The following SHISA6 variants were observed in gnomAD, a reference collection of about 807,000 sequenced individuals.
SHISA6 encodes the protein protein shisa-6.
In SHISA6, 22 loss-of-function variants were observed where a neutral mutation model predicts 47.9. The ratio of observed to expected loss-of-function variants is 0.46; its 90% CI spans 0.33 to 0.66. SHISA6 has a LOEUF of 0.66. Ranked by LOEUF, SHISA6 falls within the 30% of genes least tolerant of loss-of-function variation. The probability of loss-of-function intolerance (pLI) is 0.02; values close to 1 mark genes in which losing one functional copy is unlikely to be tolerated. For missense variants in SHISA6, 680 were observed against 764.6 expected, an observed-to-expected ratio of 0.89 and a Z score of 1.30; for synonymous variants, 388 against 337.8, an observed-to-expected ratio of 1.15 and a Z score of -1.63.
At chr17:11,514,708 T>C (rs1000678612) in intron 3 of SHISA6, among the ~76,000 whole-genome samples, 21 of 152,234 alleles carry the variant, frequency 1.4e-4, no homozygotes, top group African/African-American at 4.1e-4. Flanking sequence ...AGAGGAACTC[T>C]TGGCCCTTGT....
intron 3 of SHISA6, among the ~76,000 whole-genome samples, chr17:11,385,394 G>A (rs1043412624): frequency 5.9e-5 from 9 of 152,002 alleles, no homozygotes. Flanking sequence ...GACCCCACAG[G>A]GCCCTGTGGG....
chr17:11,395,245 G>T, intron 3 of SHISA6, among the ~76,000 whole-genome samples: 1 of 151,572 alleles, frequency 6.6e-6, no homozygotes, highest in East Asian at 1.9e-4. Flanking sequence ...TTATTCAAAC[G>T]TACCACTAGT....
rs146008020 is a variant in SHISA6 at position 11,265,908 on chromosome 17, C to T, written c.799+2382C>T. On this transcript the variant is annotated intron_variant, in intron 2 of 5. Transcript: ENST00000441885. ...AGCTGAGAAGGAAAGCTTCCAGTTA[C>T]ATGATTCACTTCTATGTTTCAAGAA... Among the ~76,000 whole-genome samples, 372 of 152,326 alleles carry T rather than the reference C, an allele frequency of 2.4e-3. 2 individuals carry two copies. Among genetic ancestry groups the T allele is most frequent in the African/African-American group, 8.3e-3 (347 of 41,572 alleles).
At chr17:11,397,531 A>G (rs985154451) in intron 3 of SHISA6, among the ~76,000 whole-genome samples, 1 of 152,080 alleles carries the variant, frequency 6.6e-6, no homozygotes, top group African/African-American at 2.4e-5. Flanking sequence ...TTGTGGATGC[A>G]TAATTCCCTG....
chr17:11,422,763 CAAA>C (rs36035486), intron 3 of SHISA6, among the ~76,000 whole-genome samples: 37 of 125,382 alleles, frequency 3.0e-4, no homozygotes, highest in Admixed American at 3.2e-4. Flanking sequence ...GACTCTGTCT[CAAA>C]AAAAAAAAAA....
At chr17:11,486,593 G>A (rs778843019) in intron 3 of SHISA6, among the ~76,000 whole-genome samples, 4 of 152,188 alleles carry the variant, frequency 2.6e-5, no homozygotes, top group South Asian at 2.1e-4. Context: ...TCAGCCCTGC[G>A]TTGGGCTGTG....
chr17:11,242,094 C>T, intron 1 of SHISA6, 34 bp downstream of exon 1: 2 of 1,547,596 alleles, frequency 1.3e-6, no homozygotes, highest in South Asian at 2.4e-5. Flanking sequence ...CCCCGGTCTC[C>T]CCGCGGCCTC....
chr17:11,292,173 A>G (rs1909576396), intron 2 of SHISA6, among the ~76,000 whole-genome samples: 1 of 152,094 alleles, frequency 6.6e-6, no homozygotes, highest in South Asian at 2.1e-4. Context: ...CAAAGATCTC[A>G]TTTTAACTTA....
chr17:11,540,880 G>T (rs1294436294), intron 3 of SHISA6, among the ~76,000 whole-genome samples: 1 of 152,200 alleles, frequency 6.6e-6, no homozygotes, highest in African/African-American at 2.4e-5. Context: ...CAAGCAATGA[G>T]ATGCACAGCC....
At chr17:11,259,911 T>C (rs922167217) in intron 1 of SHISA6, among the ~76,000 whole-genome samples, 1 of 152,210 alleles carries the variant, frequency 6.6e-6, no homozygotes, top group Non-Finnish European at 1.5e-5. Context: ...TAAATCCCTG[T>C]TCCAATATGT....
intron 3 of SHISA6, among the ~76,000 whole-genome samples, chr17:11,481,322 C>T (rs1200872207): frequency 6.9e-6 from 1 of 143,948 alleles, no homozygotes; most frequent in Admixed American, 7.4e-5. Flanking sequence ...GAGACACCCT[C>T]TCAAAAAATA....
intron 3 of SHISA6, among the ~76,000 whole-genome samples, chr17:11,382,488 C>CT (rs1479018415): frequency 1.3e-5 from 2 of 152,180 alleles, no homozygotes; most frequent in Non-Finnish European, 2.9e-5. Flanking sequence ...AAGTTCAACT[C>CT]TAAGTGCTAG....
chr17:11,334,929 C>T (rs1028999918), intron 2 of SHISA6, among the ~76,000 whole-genome samples: 2 of 152,212 alleles, frequency 1.3e-5, no homozygotes, highest in Admixed American at 1.3e-4. Flanking sequence ...TTGCCAGGCA[C>T]TTCTGGCTTG....
At chr17:11,375,792 G>A (rs1036440370) in intron 2 of SHISA6, among the ~76,000 whole-genome samples, 2 of 152,174 alleles carry the variant, frequency 1.3e-5, no homozygotes, top group African/African-American at 2.4e-5. Context: ...CCTGAGCAGC[G>A]ACTGAGCTAA....
In SHISA6 at chr17:11,315,666, G is replaced by A. The variant is rs545041582; in HGVS notation, c.799+52140G>A. Among the ~76,000 whole-genome samples the A allele has an allele frequency of 2.6e-5, 4 of 152,112 alleles. No homozygotes were observed. The East Asian group carries it at 7.7e-4, about 29-fold the overall frequency. ...TGATCATACGATATTTCTTTTTTAT[G>A]TCATGAATTATATAACATATTTTGA... On this transcript the variant is annotated intron_variant, in intron 2 of 5. Transcript: ENST00000441885.
intron 3 of SHISA6, among the ~76,000 whole-genome samples, chr17:11,445,308 G>A (rs1915199320): frequency 6.6e-6 from 1 of 152,110 alleles, no homozygotes; most frequent in Admixed American, 6.5e-5. Context: ...TTGAGGTTTA[G>A]AATGGTGACA....
At chr17:11,342,000 C>T (rs1911546764) in intron 2 of SHISA6, among the ~76,000 whole-genome samples, 1 of 152,172 alleles carries the variant, frequency 6.6e-6, no homozygotes, top group African/African-American at 2.4e-5. Flanking sequence ...ACCTCCCCAT[C>T]CTCCCAGAGG....
intron 2 of SHISA6, among the ~76,000 whole-genome samples, chr17:11,360,988 T>C (rs1277637050): frequency 6.6e-6 from 1 of 151,508 alleles, no homozygotes; most frequent in Non-Finnish European, 1.5e-5. Flanking sequence ...CCCCACTGAT[T>C]TGAATGTCGT....
chr17:11,486,936 G>T (rs777471148), intron 3 of SHISA6, among the ~76,000 whole-genome samples: 1 of 152,164 alleles, frequency 6.6e-6, no homozygotes, highest in Non-Finnish European at 1.5e-5. Flanking sequence ...GAGGCCTGGG[G>T]GCCAAATCCG....
Sources: gnomAD v4.1 joint callset for allele counts (sites outside exome capture counted in the v4.1 genomes callset) on GRCh38, gnomAD v4.1.1 for gene constraint, MANE v1.5 for transcripts, NCBI Gene and HGNC (gene_info 2026-07-23, HGNC 2026-07-21) for gene names.